The following GOLGA3 variants were observed in gnomAD, a reference collection of about 807,000 sequenced individuals.
GOLGA3 encodes the protein golgin subfamily A member 3.
GOLGA3 carries 75 observed loss-of-function variants against 169.4 expected under a neutral mutation model. The ratio of observed to expected loss-of-function variants is 0.44; its 90% CI spans 0.37 to 0.54. The LOEUF (loss-of-function observed/expected upper bound fraction) is 0.54. GOLGA3 is among the 20% of genes least tolerant of loss of function. The probability of loss-of-function intolerance (pLI) is 0.00; values close to 1 mark genes in which losing one functional copy is unlikely to be tolerated. For synonymous variants in GOLGA3, 824 were observed against 822.4 expected (o/e 1.00, Z -0.03); for missense variants, 1,899 against 1,930.0 (o/e 0.98, Z 0.30).
At chr12:132,815,082 A>C (rs950118375) in intron 3 of GOLGA3, among the ~76,000 whole-genome samples, 2 of 152,212 alleles carry the variant, frequency 1.3e-5, no homozygotes, top group African/African-American at 4.8e-5. Flanking sequence ...AATAATCCCT[A>C]ACATCTGAGC....
At chr12:132,785,137 A>G (rs2045829737) in intron 15 of GOLGA3, among the ~76,000 whole-genome samples, 1 of 152,226 alleles carries the variant, frequency 6.6e-6, no homozygotes, top group African/African-American at 2.4e-5. Context: ...GACGGACACA[A>G]GACATCGGCT....
At chr12:132,825,152 T>C (rs1016623945) in intron 1 of GOLGA3, among the ~76,000 whole-genome samples, 1 of 152,206 alleles carries the variant, frequency 6.6e-6, no homozygotes, top group African/African-American at 2.4e-5. Flanking sequence ...TCTTTGCTTC[T>C]GCCTTGCGGG....
Position 132,814,519 on chromosome 12 carries a change from G to A in GOLGA3, c.407-1100C>T, listed in dbSNP as rs141012799. Reference sequence around the variant, plus strand: ...ACCCAGCCACAGGAGCTCAGCCGTCGTGGGGTCACGAGACCCCGAGTGCAT... The same window carrying A: ...ACCCAGCCACAGGAGCTCAGCCGTCATGGGGTCACGAGACCCCGAGTGCAT... On this transcript the variant is annotated intron_variant, in intron 3 of 23. Transcript: ENST00000450791. Among the ~76,000 whole-genome samples, 12 of 152,330 alleles carry A rather than the reference G, an allele frequency of 7.9e-5. No individual in the cohort carries two copies. The East Asian group carries it at 1.9e-3, about 25-fold the overall frequency.
intron 12 of GOLGA3, among the ~76,000 whole-genome samples, chr12:132,789,680 A>G (rs1303571619): frequency 6.6e-6 from 1 of 151,668 alleles, no homozygotes; most frequent in Non-Finnish European, 1.5e-5. Context: ...CTTGCTCAGA[A>G]ATAAAATACA....
At position 132,804,429 on chromosome 12, in the gene GOLGA3, C is replaced by A. The variant is rs1362030297; in HGVS notation, c.1597+287G>T. Among the ~76,000 whole-genome samples the A allele has an allele frequency of 2.0e-5, 3 of 152,318 alleles. No homozygotes were observed. In the East Asian group the frequency reaches 5.8e-4, roughly 29 times the overall value. On this transcript the variant is annotated intron_variant, in intron 7 of 23. Coordinates refer to ENST00000450791, the MANE Select transcript of GOLGA3 (RefSeq NM_001389683.1). The surrounding 1 kb of genome is among the most constrained non-coding windows in gnomAD (Gnocchi z 4.1). ...TGTATTTCCTTTAGAAAAGCAGCCT[C>A]CTTATGTGTAAACTATAAACCAATG...
In GOLGA3 at chr12:132,775,150, C is replaced by T. The variant is rs116710969; in HGVS notation, c.4134G>A (p.Ala1378=). The T allele has an allele frequency of 2.0e-3, 3,180 of 1,613,302 alleles. 62 individuals are homozygous for T. In the African/African-American group the frequency reaches 0.038, roughly 19 times the overall value. ...ACGCGGGCCTGAGTACCGTCTTGGCCGCGCCGCGGCGTAGGTCCAGCTTGA... is the reference window on the plus strand; with the variant it reads ...ACGCGGGCCTGAGTACCGTCTTGGCTGCGCCGCGGCGTAGGTCCAGCTTGA... ...QQLKLDLRRG[A]AKTRKEPKGE... is the part of the protein sequence containing the mutation. Residue 1378 remains alanine, a synonymous_variant, in exon 22 of 24, where the codon GCG becomes GCA. Transcript: ENST00000450791.
chr12:132,788,873 C>T (rs963778517), intron 13 of GOLGA3, among the ~76,000 whole-genome samples, 154 bp downstream of exon 13: 1 of 152,088 alleles, frequency 6.6e-6, no homozygotes, highest in Non-Finnish European at 1.5e-5. Context: ...CTTCCAAAAG[C>T]CTCTCCCACC....
At chr12:132,824,659 G>T (rs74568791) in intron 1 of GOLGA3, among the ~76,000 whole-genome samples, 2,535 of 152,278 alleles carry the variant, frequency 0.017, 74 homozygotes, top group African/African-American at 0.057. Flanking sequence ...AATCCTGTGT[G>T]CAACGAATTC....
intron 4 of GOLGA3, among the ~76,000 whole-genome samples, chr12:132,810,247 C>T (rs1949635374): frequency 6.6e-6 from 1 of 151,730 alleles, no homozygotes; most frequent in Admixed American, 6.6e-5. Context: ...GACCCTGTCT[C>T]CAAAACAAAA....
At chr12:132,811,728 C>G (rs1949715961) in intron 4 of GOLGA3, 3 of 151,964 alleles carry the variant, frequency 2.0e-5, no homozygotes, top group Non-Finnish European at 2.9e-5. Context: ...TCCCATAGTG[C>G]TGGGATTATA....
Position 132,796,026 on chromosome 12 carries a change from C to T in GOLGA3, c.2295G>A (p.Glu765=), listed in dbSNP as rs757532397. The T allele has an allele frequency of 5.6e-6, 9 of 1,612,936 alleles. No individual in the cohort carries two copies. Among genetic ancestry groups the T allele is most frequent in the Admixed American group, 3.3e-5 (2 of 60,014 alleles). Reference sequence around the variant, plus strand: ...CGTTCTGCAGGAGGCAGATCGTGTCCTCCCTGGAGGCGGCCTCGCCCTGCA... The same window carrying T: ...CGTTCTGCAGGAGGCAGATCGTGTCTTCCCTGGAGGCGGCCTCGCCCTGCA... ...GELQGEAASR[E]DTICLLQNEK... is the part of the protein sequence containing the mutation. The change falls in exon 11 of 24, where the codon GAG becomes GAA. Residue 765 remains glutamate, a synonymous_variant. Coordinates refer to ENST00000450791, the MANE Select transcript of GOLGA3 (RefSeq NM_001389683.1).
In GOLGA3 at chr12:132,801,870, G is replaced by T. The variant is rs371111883; in HGVS notation, c.1697C>A (p.Ala566Glu). 3 of 1,604,832 alleles carry T rather than the reference G, an allele frequency of 1.9e-6. No homozygotes were observed. Among genetic ancestry groups the T allele is most frequent in the Non-Finnish European group, 2.5e-6 (3 of 1,179,898 alleles). Residue 566 changes from alanine to glutamate, a missense_variant, in exon 8 of 24, where the codon GCG (alanine) becomes GAG (glutamate). Ala to Glu is a moderately radical substitution (Grantham distance 107). Coordinates refer to ENST00000450791, the MANE Select transcript of GOLGA3 (RefSeq NM_001389683.1). ...GACACTCTGCAGGGACGAGATCTCC[G>T]CCTGCGACGCCTTCAGCTTGCTGGT... is the stretch of plus-strand genomic sequence containing the variant. The part of the protein sequence containing the change: ...TLTSKLKASQ[A>E]EISSLQSVRQ...
rs1425718809 is a variant in GOLGA3 at position 132,812,224 on chromosome 12, TA to T, written c.519+1082del. 3.9e-3 allele frequency among the ~76,000 whole-genome samples: 503 copies of T among 128,376 alleles called. 1 individual carries two copies. The highest frequency in any genetic ancestry group is 7.1e-3 in the East Asian group (34 of 4,804). The allele number at this position is 128,376 out of a possible 152,430, so 84.2% of individuals were successfully genotyped here. ...ACACACACACACACATATATATATA[TA>T]TATATTTTTTTTAACTGCTCATTGA... On this transcript the variant is annotated intron_variant, in intron 4 of 23. Coordinates refer to ENST00000450791, the MANE Select transcript of GOLGA3 (RefSeq NM_001389683.1).
chr12:132,775,035 C>G, intron 22 of GOLGA3, 106 bp downstream of exon 22: 2 of 970,742 alleles, frequency 2.1e-6, no homozygotes, highest in South Asian at 3.1e-5. Context: ...AGTGTGGGCT[C>G]AACAAATCCG....
chr12:132,815,991 G>A (rs1163237600), intron 3 of GOLGA3, among the ~76,000 whole-genome samples: 1 of 152,230 alleles, frequency 6.6e-6, no homozygotes, highest in Non-Finnish European at 1.5e-5. Flanking sequence ...GAGGTCAGGA[G>A]ATCAATACCA....
chr12:132,769,476 G>A lies in GOLGA3; in HGVS notation c.*3629C>T, dbSNP rs112800536. ...GGCAGGGCCCCTGCTGGACCCACCC[G>A]AGGAGAGTCCATTTCACATCCTATC... On this transcript the variant is annotated 3_prime_UTR_variant, in exon 24 of 24. Transcript: ENST00000450791. The A allele has an allele frequency of 3.3e-5, 5 of 152,398 alleles. No individual in the cohort carries two copies. The highest frequency in any genetic ancestry group is 9.6e-5 in the African/African-American group (4 of 41,586). The allele number at this position is 152,398 out of a possible 1,614,324, so 9.4% of individuals were successfully genotyped here.
In GOLGA3 at chr12:132,824,125, G is replaced by T. The variant is rs552442946; in HGVS notation, c.-183-1814C>A. ...AAAAAAAAGAGAAGCCCACGTGGCT[G>T]GTCCTCGAGAGCATGTGTGTCACTG... On this transcript the variant is annotated intron_variant, in intron 1 of 23. Transcript: ENST00000450791. 2.6e-5 allele frequency among the ~76,000 whole-genome samples: 4 copies of T among 152,298 alleles called. No individual in the cohort carries two copies. The South Asian group carries it at 8.3e-4, about 32-fold the overall frequency.
Position 132,771,756 on chromosome 12 carries a change from C to T in GOLGA3, c.*1349G>A, listed in dbSNP as rs1221111248. On this transcript the variant is annotated 3_prime_UTR_variant, in exon 24 of 24. Coordinates refer to ENST00000450791, the MANE Select transcript of GOLGA3 (RefSeq NM_001389683.1). ...ATGGTAAAGATTTTCACTTGGGGAA[C>T]AGGAGTGTGAGGTTTGTTACCGCCT... The T allele has an allele frequency of 6.6e-6, 1 of 152,258 alleles. No homozygotes were observed. Among genetic ancestry groups the T allele is most frequent in the Non-Finnish European group, 1.5e-5 (1 of 68,072 alleles). 9.4% of individuals were successfully genotyped at this position (152,258 alleles called of 1,614,324 possible).
chr12:132,781,011 G>T, intron 17 of GOLGA3, 97 bp from the exon 18 acceptor site: 1 of 841,590 alleles, frequency 1.2e-6, no homozygotes, highest in Non-Finnish European at 2.0e-6. Context: ...CACATCACAG[G>T]CACACGCCAG....
Sources: gnomAD v4.1 joint callset for allele counts (sites outside exome capture counted in the v4.1 genomes callset) on GRCh38, gnomAD v4.1.1 for gene constraint, Gnocchi (gnomAD v3.1) non-coding constraint, MANE v1.5 for transcripts, NCBI Gene and HGNC (gene_info 2026-07-23, HGNC 2026-07-21) for gene names.